The following NAA30 variants were observed in gnomAD, a reference collection of about 807,000 sequenced individuals.
The protein encoded by NAA30 is N-alpha-acetyltransferase 30.
In NAA30, 5 loss-of-function variants were observed where a neutral mutation model predicts 31.4. That is an observed-to-expected ratio of 0.16 (90% confidence interval 0.08 to 0.33). NAA30 has a LOEUF of 0.33. Among genes scored for constraint, NAA30 ranks in the 10% least tolerant of loss-of-function variants. The probability of loss-of-function intolerance (pLI) is 1.00; values close to 1 mark genes in which losing one functional copy is unlikely to be tolerated. For synonymous variants in NAA30, 222 were observed against 207.1 expected (o/e 1.07, Z -0.62); for missense variants, 428 against 490.8 (o/e 0.87, Z 1.21).
In NAA30 at chr14:57,396,770, T is replaced by C. The variant is rs752496102; in HGVS notation, c.790T>C (p.Cys264Arg). 5 of 1,613,686 alleles carry C rather than the reference T, an allele frequency of 3.1e-6. No homozygotes were observed. The highest frequency in any genetic ancestry group is 4.2e-6 in the Non-Finnish European group (5 of 1,179,876). ...LCFLAMVGEE[C>R]VGAIVCKLDM... ...TTTTAAGGCCATGGTAGGGGAGGAGTGTGTAGGTGCCATCGTTTGCAAGTT... is the reference window on the plus strand; with the variant it reads ...TTTTAAGGCCATGGTAGGGGAGGAGCGTGTAGGTGCCATCGTTTGCAAGTT... Residue 264 changes from cysteine (C) to arginine (R), a missense_variant, in exon 3 of 5, where the codon TGT (cysteine) becomes CGT (arginine). By Grantham distance (180) the Cys-to-Arg change is radical. This residue lies in a region of NAA30 where 79 missense variants were observed against 180.3 expected (regional missense o/e 0.44). Coordinates refer to ENST00000556492, the MANE Select transcript of NAA30 (RefSeq NM_001011713.3).
Position 57,412,294 on chromosome 14 carries a change from A to C in NAA30, c.*2778A>C, listed in dbSNP as rs2066527078. 1 of 152,284 alleles carries C rather than the reference A, an allele frequency of 6.6e-6. No individual in the cohort carries two copies. The highest frequency in any genetic ancestry group is 2.4e-5 in the African/African-American group (1 of 41,562). The allele number at this position is 152,284 out of a possible 1,614,324, so 9.4% of individuals were successfully genotyped here. ...AAATTACCCTTCCCACTTGCTCGAC[A>C]AATCTATGTAAAGCAGTTTGTTTTT... is the stretch of plus-strand genomic sequence containing the variant. On this transcript the variant is annotated 3_prime_UTR_variant, in exon 5 of 5. Transcript: ENST00000556492.
intron 4 of NAA30, among the ~76,000 whole-genome samples, chr14:57,402,166 TTTGC>T (rs1211708410): frequency 2.0e-5 from 3 of 152,376 alleles, no homozygotes; most frequent in African/African-American, 7.2e-5. Flanking sequence ...TTGGTTTTCC[TTTGC>T]TTGTTAAAAT....
At chr14:57,404,050 G>A (rs181114981) in intron 4 of NAA30, among the ~76,000 whole-genome samples, 1 of 152,166 alleles carries the variant, frequency 6.6e-6, no homozygotes, top group Non-Finnish European at 1.5e-5. Flanking sequence ...GGCTGAGCAC[G>A]GTGTCTCACG....
At chr14:57,401,483 G>T (rs546155086) in intron 4 of NAA30, among the ~76,000 whole-genome samples, 97 of 152,344 alleles carry the variant, frequency 6.4e-4, no homozygotes, top group African/African-American at 2.3e-3. Context: ...TTCGAGGAGA[G>T]AATTGGATCA....
At chr14:57,396,948 C>A in intron 3 of NAA30, 73 bp downstream of exon 3, 1 of 1,454,842 alleles carries the variant, frequency 6.9e-7, no homozygotes, top group Non-Finnish European at 9.4e-7. Context: ...AAATAAAAGA[C>A]TTAAATGTAA....
intron 3 of NAA30, among the ~76,000 whole-genome samples, chr14:57,399,277 C>T (rs1726858608): frequency 6.6e-6 from 1 of 152,214 alleles, no homozygotes; most frequent in Admixed American, 6.5e-5. Context: ...TTTTGCTAGA[C>T]ATGTACAGAC....
rs1213632331 is a variant in NAA30, at chr14:57,392,292, G to A, written c.771+564G>A. ...AACAGTTGTAGCCAGCCTGCTTTCT[G>A]GTACTCCATTCCAGAAAGCGCTACT... On this transcript the variant is annotated intron_variant, in intron 2 of 4. Transcript: ENST00000556492. 2.0e-5 allele frequency among the ~76,000 whole-genome samples: 3 copies of A among 152,216 alleles called. No individual in the cohort carries two copies. The East Asian group carries it at 5.8e-4, about 29-fold the overall frequency.
intron 2 of NAA30, among the ~76,000 whole-genome samples, chr14:57,392,298 C>G (rs1323020391): frequency 2.0e-5 from 3 of 152,142 alleles, no homozygotes; most frequent in Non-Finnish European, 4.4e-5. Context: ...TTCTGGTACT[C>G]CATTCCAGAA....
At chr14:57,399,961 T>G (rs1594751365) in intron 4 of NAA30, 78 bp downstream of exon 4, 1 of 739,244 alleles carries the variant, frequency 1.4e-6, no homozygotes, top group East Asian at 2.7e-5. Flanking sequence ...ATTTTATAAT[T>G]TATTGCAGAT....
chr14:57,398,339 G>C (rs1418004482), intron 3 of NAA30, among the ~76,000 whole-genome samples: 1 of 152,208 alleles, frequency 6.6e-6, no homozygotes, highest in Non-Finnish European at 1.5e-5. Flanking sequence ...TGTTTGGCTA[G>C]TTTGGAGGGC....
chr14:57,399,599 G>C (rs894319007), intron 3 of NAA30, among the ~76,000 whole-genome samples: 1 of 152,202 alleles, frequency 6.6e-6, no homozygotes, highest in Non-Finnish European at 1.5e-5. Flanking sequence ...AGAAAAAGGA[G>C]TATATTGGGA....
rs1391320941 is a variant in NAA30, at chr14:57,415,487, T to C, written c.*5971T>C. On this transcript the variant is annotated 3_prime_UTR_variant, in exon 5 of 5. Coordinates refer to ENST00000556492, the MANE Select transcript of NAA30 (RefSeq NM_001011713.3). Reference sequence around the variant, plus strand: ...TTTATTTCCTGGTACTTAAATATTGTGTAGAGGGAAAGCTAGTTGTAATAA... The same window carrying C: ...TTTATTTCCTGGTACTTAAATATTGCGTAGAGGGAAAGCTAGTTGTAATAA... 6.6e-6 allele frequency: 1 copy of C among 152,186 alleles called. No individual in the cohort carries two copies. Among genetic ancestry groups the C allele is most frequent in the Non-Finnish European group, 1.5e-5 (1 of 68,030 alleles). 9.4% of individuals were successfully genotyped at this position (152,186 alleles called of 1,614,324 possible). A position where few individuals can be genotyped will look rare whatever the true frequency, so the allele number is the denominator to read the frequency against.
chr14:57,399,592 A>C (rs1306073956), intron 3 of NAA30, among the ~76,000 whole-genome samples: 1 of 152,222 alleles, frequency 6.6e-6, no homozygotes, highest in Non-Finnish European at 1.5e-5. Flanking sequence ...ATGTCTGAGA[A>C]AAAGGAGTAT....
At chr14:57,393,308 C>T (rs1347992920) in intron 2 of NAA30, among the ~76,000 whole-genome samples, 6 of 152,142 alleles carry the variant, frequency 3.9e-5, no homozygotes, top group Non-Finnish European at 7.4e-5. Flanking sequence ...GTAGAACCCT[C>T]CCAATTCACC....
Position 57,391,528 on chromosome 14 carries a change from C to G in NAA30, c.571C>G (p.Leu191Val), listed in dbSNP as rs2066428340. The G allele has an allele frequency of 3.1e-6, 5 of 1,613,756 alleles. No homozygotes were observed. Among genetic ancestry groups the G allele is most frequent in the Non-Finnish European group, 4.2e-6 (5 of 1,180,002 alleles). ...DEQVRLLSSS[L>V]TADCSLRSPS... ...GCAGGTGCGGCTGCTGTCTTCGTCC[C>G]TGACCGCCGACTGCAGCTTAAGAAG... Residue 191 changes from leucine (L) to valine (V), a missense_variant, in exon 2 of 5, where the codon CTG becomes GTG. By Grantham distance (32) the Leu-to-Val change is conservative. Coordinates refer to ENST00000556492, the MANE Select transcript of NAA30 (RefSeq NM_001011713.3). The surrounding 1 kb of genome is among the most constrained non-coding windows in gnomAD (Gnocchi z 4.1).
chr14:57,409,149 C>T (rs932942263), intron 4 of NAA30, among the ~76,000 whole-genome samples: 2 of 152,292 alleles, frequency 1.3e-5, no homozygotes, highest in South Asian at 4.1e-4. Flanking sequence ...ACATTTCAAA[C>T]TACACAAATC....
chr14:57,394,990 A>C (rs2066444812), intron 2 of NAA30, among the ~76,000 whole-genome samples: 5 of 152,182 alleles, frequency 3.3e-5, no homozygotes, highest in Admixed American at 2.6e-4. Flanking sequence ...ATGTATTTAT[A>C]CGTGTCTGTA....
In NAA30 at chr14:57,391,336, A is replaced by T; in HGVS notation, c.379A>T (p.Thr127Ser). 6.2e-7 allele frequency: 1 copy of T among 1,611,950 alleles called. No homozygotes were observed. The highest frequency in any genetic ancestry group is 8.5e-7 in the Non-Finnish European group (1 of 1,179,606). ...TPDGGPRATA[T>S]KGAGVHSGER... Reference sequence around the variant, plus strand: ...TGACGGAGGCCCCAGAGCGACTGCAACAAAAGGAGCCGGGGTACACTCGGG... The same window carrying T: ...TGACGGAGGCCCCAGAGCGACTGCATCAAAAGGAGCCGGGGTACACTCGGG... The change falls in exon 2 of 5, where the codon ACA (threonine) becomes TCA (serine). Residue 127 changes from threonine to serine, a missense_variant. By Grantham distance (58) the Thr-to-Ser change is moderately conservative. Coordinates refer to ENST00000556492, the MANE Select transcript of NAA30 (RefSeq NM_001011713.3). This position sits in a 1 kb window ranked among gnomAD's most constrained non-coding sequence, Gnocchi z 4.1.
At chr14:57,408,032 T>G (rs544004372) in intron 4 of NAA30, among the ~76,000 whole-genome samples, 2 of 152,156 alleles carry the variant, frequency 1.3e-5, no homozygotes. Flanking sequence ...TACTGAGATA[T>G]GGAATTGAGG....
Sources: allele counts gnomAD v4.1 joint callset (sites outside exome capture counted in the v4.1 genomes callset), GRCh38; gene constraint gnomAD v4.1.1; regional missense constraint gnomAD v4.1.1; non-coding constraint Gnocchi (gnomAD v3.1); transcripts MANE v1.5; gene names NCBI Gene and HGNC (gene_info 2026-07-23, HGNC 2026-07-21).